PRH1: variants seen among roughly 807,000 people sequenced by gnomAD.
The protein encoded by PRH1 is proline rich protein HaeIII subfamily 1.
Under a neutral mutation model 7.9 loss-of-function variants are expected in PRH1, and 7 were observed. The observed-to-expected ratio is 0.89, with a 90% CI of 0.50 to 1.67. The LOEUF is 1.67. Ranked by LOEUF, PRH1 falls within the 40% of genes most tolerant of loss-of-function variation. The pLI is 0.00. For missense variants in PRH1, 109 were observed against 223.6 expected (o/e 0.49, Z 3.27); for synonymous variants, 45 against 80.8 (o/e 0.56, Z 2.38).
chr12:10,962,667 C>G (rs1938293893), intron 2 of PRH1, among the ~76,000 whole-genome samples: 1 of 152,226 alleles, frequency 6.6e-6, no homozygotes, highest in African/African-American at 2.4e-5. Context: ...ACTCTATTCA[C>G]TAACTCATTT....
intron 2 of PRH1, among the ~76,000 whole-genome samples, chr12:10,924,210 A>G (rs1214062048): frequency 6.6e-6 from 1 of 151,990 alleles, no homozygotes; most frequent in Non-Finnish European, 1.5e-5. Flanking sequence ...GATGGTCTCC[A>G]TCTCCTGACC....
chr12:10,995,766 T>C (rs1007790569), intron 1 of PRH1, among the ~76,000 whole-genome samples: 14 of 152,142 alleles, frequency 9.2e-5, no homozygotes, highest in Non-Finnish European at 1.3e-4. Context: ...AAAAAGGTTT[T>C]TGTTTAATTC....
Position 11,087,347 on chromosome 12 carries a change from G to T in PRH1, n.124-40159C>A, listed in dbSNP as rs1428630830. 7.7e-5 allele frequency among the ~76,000 whole-genome samples: 9 copies of T among 117,322 alleles called. 1 individual carries two copies. In the East Asian group the frequency reaches 1.9e-3, roughly 25 times the overall value. The allele number at this position is 117,322 out of a possible 152,430, so 77.0% of individuals were successfully genotyped here. A position where few individuals can be genotyped will look rare whatever the true frequency, so the allele number is the denominator to read the frequency against. ...GCTCTCAAGGGGTCCTCCCACCTTG[G>T]CCTCCCAAAGTAGTAGGACTACAGG... On this transcript the variant is annotated intron_variant and non_coding_transcript_variant, in intron 1 of 4. Coordinates refer to the PRH1 transcript ENST00000541977.
chr12:11,118,760 C>T (rs184569698), downstream of PRH1, among the ~76,000 whole-genome samples: 67 of 151,948 alleles, frequency 4.4e-4, no homozygotes, highest in African/African-American at 9.4e-4. Context: ...TTTGGGAGGC[C>T]GAGGTGGGTG....
chr12:11,065,037 C>A (rs1247058935), intron 1 of PRH1, among the ~76,000 whole-genome samples: 1 of 151,980 alleles, frequency 6.6e-6, no homozygotes, highest in Non-Finnish European at 1.5e-5. Flanking sequence ...ACTCCAACTC[C>A]ACATAGAATA....
intron 1 of PRH1, among the ~76,000 whole-genome samples, chr12:11,163,785 G>GT (rs1340376003): frequency 1.3e-5 from 2 of 152,276 alleles, no homozygotes; most frequent in Non-Finnish European, 2.9e-5. Flanking sequence ...TACAATGTGT[G>GT]TATCAGATTT....
chr12:10,885,757 T>C (rs547359775), upstream of PRH1, among the ~76,000 whole-genome samples: 2 of 152,356 alleles, frequency 1.3e-5, no homozygotes, highest in Non-Finnish European at 2.9e-5. Context: ...TTTTCACTTT[T>C]TGTGCATGGT....
At chr12:10,885,700 C>T (rs1949481277), upstream of PRH1, among the ~76,000 whole-genome samples, 4 of 152,246 alleles carry the variant, frequency 2.6e-5, no homozygotes, top group Admixed American at 2.0e-4. Context: ...TACTCAGAAT[C>T]ACCAGCTGCA....
exon 2 of PRH1, chr12:11,121,121 T>C (rs1361971229): frequency 1.3e-5 from 2 of 153,048 alleles, no homozygotes; most frequent in Non-Finnish European, 2.9e-5. Flanking sequence ...CCAAGGTTTA[T>C]AAAGCTGGCA....
chr12:11,018,580 G>A (rs1941416730), intron 1 of PRH1, among the ~76,000 whole-genome samples: 2 of 148,988 alleles, frequency 1.3e-5, no homozygotes. Context: ...CAAGAACAAG[G>A]TCTGATATAA....
intron 1 of PRH1, chr12:11,061,407 A>G (rs772092030): frequency 6.6e-7 from 1 of 1,510,180 alleles, no homozygotes; most frequent in African/African-American, 1.5e-5. Flanking sequence ...AGTACCTCAC[A>G]TGCCACAAAA....
chr12:11,142,952 T>A (rs1946747660), intron 1 of PRH1, among the ~76,000 whole-genome samples: 1 of 152,138 alleles, frequency 6.6e-6, no homozygotes, highest in African/African-American at 2.4e-5. Context: ...GTTAAAGGGA[T>A]TACTTCAATC....
At chr12:10,888,914 C>T (rs1949531985), upstream of PRH1, among the ~76,000 whole-genome samples, 1 of 152,150 alleles carries the variant, frequency 6.6e-6, no homozygotes, top group Non-Finnish European at 1.5e-5. Context: ...AACTGAGGTT[C>T]ACTGAGTTAA....
intron 2 of PRH1, among the ~76,000 whole-genome samples, chr12:10,967,487 GC>G (rs1412176839): frequency 6.6e-6 from 1 of 152,176 alleles, no homozygotes; most frequent in Non-Finnish European, 1.5e-5. Flanking sequence ...TGCTTTTCAA[GC>G]CCCTAAATGT....
At chr12:11,051,392 G>A (rs61912888), upstream of PRH1, among the ~76,000 whole-genome samples, 33,847 of 151,878 alleles carry the variant, frequency 0.22, 3,778 homozygotes, top group Non-Finnish European at 0.24. Flanking sequence ...AATGAGCAGA[G>A]TAATAATAAT....
intron 2 of PRH1, chr12:10,938,491 G>C (rs745490771): frequency 1.9e-6 from 3 of 1,614,064 alleles, no homozygotes; most frequent in African/African-American, 1.3e-5. Flanking sequence ...AAATGGCATA[G>C]AGTAGGAAGA....
intron 2 of PRH1, among the ~76,000 whole-genome samples, chr12:10,960,647 C>T (rs990370541): frequency 2.0e-5 from 3 of 152,204 alleles, no homozygotes. Flanking sequence ...TTTTGCAAAA[C>T]ATCATGCTAA....
At chr12:10,926,860 A>G (rs1348206599) in intron 2 of PRH1, among the ~76,000 whole-genome samples, 2 of 152,204 alleles carry the variant, frequency 1.3e-5, no homozygotes, top group East Asian at 1.9e-4. Flanking sequence ...TCATATGTTG[A>G]AGACTGATGC....
chr12:11,155,721 T>C (rs1382562762), intron 1 of PRH1, among the ~76,000 whole-genome samples: 1 of 152,198 alleles, frequency 6.6e-6, no homozygotes, highest in Non-Finnish European at 1.5e-5. Context: ...TTCCATTATA[T>C]GAATTTGCTA....
Sources: gnomAD v4.1 joint callset for allele counts (sites outside exome capture counted in the v4.1 genomes callset) on GRCh38, gnomAD v4.1.1 for gene constraint, MANE v1.5 for transcripts, NCBI Gene and HGNC (gene_info 2026-07-23, HGNC 2026-07-21) for gene names.